PTPRA: variants seen among roughly 807,000 people sequenced by gnomAD.
PTPRA encodes receptor-type tyrosine-protein phosphatase alpha.
Under a neutral mutation model 104.8 loss-of-function variants are expected in PTPRA, and 25 were observed. The observed-to-expected ratio is 0.24, with a 90% CI of 0.17 to 0.33. The LOEUF (loss-of-function observed/expected upper bound fraction) is 0.33, where lower values mean the gene tolerates loss of function less well. PTPRA is among the 10% of genes least tolerant of loss of function. The pLI, the probability that PTPRA is intolerant of heterozygous loss-of-function variation, is 1.00. For missense variants in PTPRA, 765 were observed against 1,015.3 expected, an observed-to-expected ratio of 0.75 and a Z score of 3.35; for synonymous variants, 323 against 368.9, an observed-to-expected ratio of 0.88 and a Z score of 1.43.
chr20:2,867,828 A>G, the PTPRA span, among the ~76,000 whole-genome samples: 1 of 152,230 alleles, frequency 6.6e-6, no homozygotes, highest in African/African-American at 2.4e-5. Flanking sequence ...AGGGCCTGAG[A>G]AGGTATTTCT....
intron 1 of PTPRA, among the ~76,000 whole-genome samples, chr20:2,898,138 C>T (rs185831622): frequency 0.011 from 1,611 of 151,840 alleles, 32 homozygotes; most frequent in African/African-American, 0.036. Context: ...GCTCCGTCGC[C>T]CAGGCTGGAG....
intron 1 of PTPRA, among the ~76,000 whole-genome samples, chr20:2,891,368 A>C (rs1021573461): frequency 2.0e-5 from 3 of 151,988 alleles, no homozygotes; most frequent in Non-Finnish European, 4.4e-5. Context: ...TCATGATCCA[A>C]CTCCTCTTAA....
At position 3,038,271 on chromosome 20, in the gene PTPRA, G is replaced by T. The variant is rs898736058; in HGVS notation, c.*138G>T. 3 of 753,674 alleles carry T rather than the reference G, an allele frequency of 4.0e-6. No homozygotes were observed. The highest frequency in any genetic ancestry group is 6.4e-6 in the Non-Finnish European group (3 of 467,512). 46.7% of individuals were successfully genotyped at this position (753,674 alleles called of 1,614,324 possible). ...TACATAGGCTTCTATTACCTATTAG[G>T]TGGAAATTTTATATGTAAATGTGTT... On this transcript the variant is annotated 3_prime_UTR_variant, in exon 24 of 24. Coordinates refer to ENST00000399903, the MANE Select transcript of PTPRA (RefSeq NM_001385305.1).
intron 2 of PTPRA, among the ~76,000 whole-genome samples, chr20:2,933,142 T>G (rs1279759925): frequency 6.6e-6 from 1 of 152,194 alleles, no homozygotes; most frequent in East Asian, 1.9e-4. Flanking sequence ...CTTTTCCCCT[T>G]AGCTTATGAA....
chr20:2,942,285 A>G (rs1243759386), intron 2 of PTPRA, among the ~76,000 whole-genome samples: 1 of 152,206 alleles, frequency 6.6e-6, no homozygotes, highest in Non-Finnish European at 1.5e-5. Flanking sequence ...TAATTATAAC[A>G]TATGCTGCTT....
chr20:2,953,379 G>A (rs1352730738), intron 3 of PTPRA, among the ~76,000 whole-genome samples: 1 of 149,992 alleles, frequency 6.7e-6, no homozygotes, highest in Non-Finnish European at 1.5e-5. Context: ...CTCAGCCTCC[G>A]AGTAGCTGGG....
chr20:2,929,316 G>A (rs761274408), intron 2 of PTPRA, among the ~76,000 whole-genome samples: 2 of 152,022 alleles, frequency 1.3e-5, no homozygotes, highest in Admixed American at 6.6e-5. Flanking sequence ...CTGTATGAAC[G>A]TTAATAGTTG....
chr20:3,028,543 G>A (rs554315305), intron 20 of PTPRA, among the ~76,000 whole-genome samples: 2 of 152,266 alleles, frequency 1.3e-5, no homozygotes, highest in South Asian at 4.1e-4. Context: ...CAATCTCAGG[G>A]ATATCTCCCT....
At chr20:2,992,756 G>T (rs2063237465) in intron 9 of PTPRA, among the ~76,000 whole-genome samples, 1 of 152,160 alleles carries the variant, frequency 6.6e-6, no homozygotes, top group Non-Finnish European at 1.5e-5. Context: ...TTTCTCTGTG[G>T]CCTGGATCAG....
At chr20:2,898,298 T>G (rs2059097224) in intron 1 of PTPRA, among the ~76,000 whole-genome samples, 1 of 151,786 alleles carries the variant, frequency 6.6e-6, no homozygotes, top group Non-Finnish European at 1.5e-5. Context: ...GCCAGGATGG[T>G]CTCGATCTCC....
intron 2 of PTPRA, among the ~76,000 whole-genome samples, chr20:2,926,769 C>CTTTTTTTTTTTTTTTTTTTTTTTTT (rs777386962): frequency 7.1e-5 from 6 of 85,020 alleles, no homozygotes; most frequent in Non-Finnish European, 8.4e-5. Flanking sequence ...TTTCCTTTTC[C>CTTTTTTTTTTTTTTTTTTTTTTTTT]TTTTTTTTTT....
rs369563526 is a variant in PTPRA at position 2,925,819 on chromosome 20, AAAAAC to A, written c.-50+2539_-50+2543del. ...GACAGAGTGAGGCTGTCTCAATTGAAAAAACAAAAACAAAAACAAAAAAAAACACA... is the reference window on the plus strand; with the variant it reads ...GACAGAGTGAGGCTGTCTCAATTGAAAAAAACAAAAACAAAAAAAAACACA... On this transcript the variant is annotated intron_variant, in intron 2 of 23. Coordinates refer to ENST00000399903, the MANE Select transcript of PTPRA (RefSeq NM_001385305.1). 1.1e-3 allele frequency among the ~76,000 whole-genome samples: 174 copies of A among 152,008 alleles called. 3 individuals carry two copies. Among genetic ancestry groups the A allele is most frequent in the African/African-American group, 3.8e-3 (158 of 41,344 alleles).
intron 1 of PTPRA, among the ~76,000 whole-genome samples, chr20:2,880,998 ACT>A (rs1048429170): frequency 9.3e-5 from 14 of 150,520 alleles, no homozygotes; most frequent in African/African-American, 3.4e-4. Flanking sequence ...ACAGAGGGAG[ACT>A]CTGTGTCTCA....
At chr20:2,953,684 C>T (rs2061431974) in intron 3 of PTPRA, among the ~76,000 whole-genome samples, 1 of 151,074 alleles carries the variant, frequency 6.6e-6, no homozygotes, top group Admixed American at 6.6e-5. Flanking sequence ...CTCGGCTCAC[C>T]TCAACCTCCG....
At chr20:3,032,781 G>T (rs1229978595) in intron 20 of PTPRA, among the ~76,000 whole-genome samples, 1 of 149,340 alleles carries the variant, frequency 6.7e-6, no homozygotes, top group Non-Finnish European at 1.5e-5. Flanking sequence ...AAAAAAAAAA[G>T]AGTTGGCTTT....
chr20:2,935,085 A>G (rs1233410693), intron 2 of PTPRA, among the ~76,000 whole-genome samples: 1 of 152,200 alleles, frequency 6.6e-6, no homozygotes, highest in Non-Finnish European at 1.5e-5. Flanking sequence ...ATGATGTACA[A>G]TAGATCTCTT....
At chr20:2,890,719 T>C (rs1465637351) in intron 1 of PTPRA, among the ~76,000 whole-genome samples, 1 of 152,178 alleles carries the variant, frequency 6.6e-6, no homozygotes, top group East Asian at 1.9e-4. Flanking sequence ...GAACTATCTT[T>C]CCCTGAGTTA....
At chr20:2,865,559 G>T in the PTPRA span, 1 of 1,480,698 alleles carries the variant, frequency 6.8e-7, no homozygotes, top group Non-Finnish European at 9.3e-7. The surrounding 1 kb of genome is among the most constrained non-coding windows in gnomAD (Gnocchi z 5.2). Flanking sequence ...AGAGGGCTAG[G>T]CAGGGAGACA....
chr20:3,013,554 A>G (rs758169739), intron 11 of PTPRA, among the ~76,000 whole-genome samples: 20 of 151,994 alleles, frequency 1.3e-4, no homozygotes, highest in Non-Finnish European at 2.5e-4. Flanking sequence ...CTGAGATTAC[A>G]GGCATGCACC....
Sources: allele counts gnomAD v4.1 joint callset (sites outside exome capture counted in the v4.1 genomes callset), GRCh38; gene constraint gnomAD v4.1.1; non-coding constraint Gnocchi (gnomAD v3.1); transcripts MANE v1.5; gene names NCBI Gene and HGNC (gene_info 2026-07-23, HGNC 2026-07-21).